The following LPP variants were observed in gnomAD, a reference collection of about 807,000 sequenced individuals.
LPP encodes lipoma-preferred partner.
In LPP, 38 loss-of-function variants were observed where a neutral mutation model predicts 60.4. That is an observed-to-expected ratio of 0.63 (90% CI 0.49 to 0.83). The LOEUF (loss-of-function observed/expected upper bound fraction) is 0.83, where lower values mean the gene tolerates loss of function less well. LPP is among the 40% of genes least tolerant of loss of function. LPP has a pLI of 0.00. For missense variants in LPP, 902 were observed against 783.6 expected, an observed-to-expected ratio of 1.15 and a Z score of -1.80; for synonymous variants, 328 against 290.8, an observed-to-expected ratio of 1.13 and a Z score of -1.30.
At chr3:188,496,319 A>G (rs1323594185) in intron 5 of LPP, among the ~76,000 whole-genome samples, 1 of 151,980 alleles carries the variant, frequency 6.6e-6, no homozygotes. Context: ...AGTAGAGACA[A>G]GGTTTCACCA....
At chr3:188,864,786 C>T (rs989352856) in intron 9 of LPP, among the ~76,000 whole-genome samples, 7 of 152,178 alleles carry the variant, frequency 4.6e-5, no homozygotes, top group Non-Finnish European at 8.8e-5. Context: ...AGAATAAGCT[C>T]TTTTTACATT....
At chr3:188,226,133 C>T (rs765923374) in intron 2 of LPP, among the ~76,000 whole-genome samples, 16 of 152,118 alleles carry the variant, frequency 1.1e-4, no homozygotes, top group Non-Finnish European at 2.2e-4. Flanking sequence ...CTCAGCCTCC[C>T]GAGCAGCTGG....
chr3:188,547,282 A>T (rs746201947), intron 6 of LPP, among the ~76,000 whole-genome samples: 4 of 152,192 alleles, frequency 2.6e-5, no homozygotes, highest in Non-Finnish European at 4.4e-5. Flanking sequence ...ACTCAGTACC[A>T]GGAATCTCAG....
chr3:188,865,044 T>C (rs1405858998), intron 9 of LPP, among the ~76,000 whole-genome samples: 2 of 152,218 alleles, frequency 1.3e-5, no homozygotes, highest in Non-Finnish European at 2.9e-5. Context: ...TACCCCTGAA[T>C]TTCCACATCC....
intron 4 of LPP, among the ~76,000 whole-genome samples, chr3:188,466,793 T>G (rs1800484915): frequency 1.0e-5 from 1 of 96,418 alleles, no homozygotes; most frequent in Non-Finnish European, 2.1e-5. Context: ...AAGTGGTTTC[T>G]GTCATCTCAG....
At chr3:188,351,968 A>C (rs1765978679) in intron 3 of LPP, among the ~76,000 whole-genome samples, 1 of 152,122 alleles carries the variant, frequency 6.6e-6, no homozygotes, top group Non-Finnish European at 1.5e-5. Flanking sequence ...TGTCTGTAGC[A>C]TTGGCTTTTA....
rs188637485 is a variant in LPP at position 188,194,063 on chromosome 3, T to C, written c.-189-31342T>C. Among the ~76,000 whole-genome samples the C allele has an allele frequency of 4.6e-5, 7 of 152,322 alleles. No homozygotes were observed. The East Asian group carries it at 1.2e-3, about 25-fold the overall frequency. ...TACTCTTCTGGTTCTCATTGTTTCT[T>C]CCCTGAAAAAATCAGGGTGCTGAAT... On this transcript the variant is annotated intron_variant, in intron 1 of 11. Coordinates refer to ENST00000617246, the MANE Select transcript of LPP (RefSeq NM_001375462.1).
At chr3:188,626,503 AT>A (rs887925481) in intron 7 of LPP, among the ~76,000 whole-genome samples, 4 of 151,818 alleles carry the variant, frequency 2.6e-5, no homozygotes, top group Middle Eastern at 3.4e-3. Context: ...TAAACTACAG[AT>A]TTTTTTTTCC....
chr3:188,859,311 T>C (rs35623115), intron 9 of LPP, among the ~76,000 whole-genome samples: 18,113 of 152,082 alleles, frequency 0.12, 1,548 homozygotes, highest in Non-Finnish European at 0.18. Flanking sequence ...AAGTTTTTTT[T>C]CAAGTGCCAA....
chr3:188,232,863 C>T (rs926372069), intron 2 of LPP, among the ~76,000 whole-genome samples: 3 of 152,090 alleles, frequency 2.0e-5, no homozygotes, highest in African/African-American at 7.2e-5. Flanking sequence ...GTGAAGAGTG[C>T]CTACTTCAGA....
rs115129432 is a variant in LPP at position 188,447,902 on chromosome 3, A to C, written c.194-36690A>C. Among the ~76,000 whole-genome samples the C allele has an allele frequency of 6.3e-3, 964 of 152,260 alleles. 14 individuals carry two copies. The highest frequency in any genetic ancestry group is 0.022 in the African/African-American group (908 of 41,534). Reference sequence around the variant, plus strand: ...ATTTTGTTTACTACCATTTACTCTCATTTGATTGTGTCAAATTATCTACTG... The same window carrying C: ...ATTTTGTTTACTACCATTTACTCTCCTTTGATTGTGTCAAATTATCTACTG... On this transcript the variant is annotated intron_variant, in intron 4 of 11. Transcript: ENST00000617246.
chr3:188,768,717 T>G (rs2150629059), intron 9 of LPP, among the ~76,000 whole-genome samples: 1 of 152,304 alleles, frequency 6.6e-6, no homozygotes. Context: ...GTTATCCAAT[T>G]TAAGAAATAA....
At chr3:188,252,057 TA>T (rs1560161132) in intron 2 of LPP, among the ~76,000 whole-genome samples, 2 of 99,498 alleles carry the variant, frequency 2.0e-5, no homozygotes, top group African/African-American at 9.0e-5. Flanking sequence ...TATATATATA[TA>T]TATATATATA....
In LPP at chr3:188,886,017, T is replaced by C. The variant is rs1473800328; in HGVS notation, c.*11538T>C. The C allele has an allele frequency of 6.6e-6, 1 of 152,078 alleles. No homozygotes were observed. Among genetic ancestry groups the C allele is most frequent in the Non-Finnish European group, 1.5e-5 (1 of 68,024 alleles). 9.4% of individuals were successfully genotyped at this position (152,078 alleles called of 1,614,324 possible). A position where few individuals can be genotyped will look rare whatever the true frequency, so the allele number is the denominator to read the frequency against. Reference sequence around the variant, plus strand: ...TCCTTTGTAGGGACATGGATGAAATTGGAAATCATCATTCTCAGTAAACTA... The same window carrying C: ...TCCTTTGTAGGGACATGGATGAAATCGGAAATCATCATTCTCAGTAAACTA... On this transcript the variant is annotated 3_prime_UTR_variant, in exon 12 of 12. Transcript: ENST00000617246.
intron 7 of LPP, among the ~76,000 whole-genome samples, chr3:188,611,300 T>C (rs563556956): frequency 1.3e-5 from 2 of 152,306 alleles, no homozygotes; most frequent in South Asian, 4.1e-4. Flanking sequence ...TTCTTAAGTC[T>C]CTCTATGAAA....
At position 188,435,017 on chromosome 3, in the gene LPP, C is replaced by T. The variant is rs148539655; in HGVS notation, c.193+28704C>T. Among the ~76,000 whole-genome samples the T allele has an allele frequency of 1.1e-3, 162 of 152,194 alleles. 2 individuals are homozygous for T. Among genetic ancestry groups the T allele is most frequent in the Middle Eastern group, 0.01 (3 of 294 alleles). ...CATCTCAGTGTGGTATAGGAGTATA[C>T]CATGCGCACATATAAACATAATTCG... On this transcript the variant is annotated intron_variant, in intron 4 of 11. Transcript: ENST00000617246.
chr3:188,380,927 T>C (rs1199944280), intron 3 of LPP, among the ~76,000 whole-genome samples: 1 of 152,246 alleles, frequency 6.6e-6, no homozygotes, highest in Non-Finnish European at 1.5e-5. Context: ...AGTAGTTAAG[T>C]TGACTTGCCC....
intron 2 of LPP, among the ~76,000 whole-genome samples, chr3:188,326,775 C>CT (rs1758541387): frequency 1.3e-5 from 2 of 152,048 alleles, no homozygotes; most frequent in African/African-American, 4.8e-5. Context: ...AATTATATTT[C>CT]TAATTTAAAA....
intron 6 of LPP, among the ~76,000 whole-genome samples, chr3:188,593,340 C>A (rs1168195638): frequency 7.2e-5 from 11 of 151,964 alleles, no homozygotes; most frequent in Admixed American, 7.2e-4. Context: ...CTCACACACA[C>A]ACAGATTAAA....
Sources: gnomAD v4.1 joint callset for allele counts (sites outside exome capture counted in the v4.1 genomes callset) on GRCh38, gnomAD v4.1.1 for gene constraint, MANE v1.5 for transcripts, NCBI Gene and HGNC (gene_info 2026-07-23, HGNC 2026-07-21) for gene names.